Variants in PRSS12 observed in about 807,000 individuals in gnomAD.
The protein encoded by PRSS12 is serine protease 12.
In PRSS12, 85 loss-of-function variants were observed where a neutral mutation model predicts 104.4. The observed-to-expected ratio is 0.81, with a 90% CI of 0.68 to 0.98. PRSS12 has a LOEUF of 0.98. Among genes scored for constraint, PRSS12 ranks in the 50% least tolerant of loss-of-function variants. The pLI, the probability that PRSS12 is intolerant of heterozygous loss-of-function variation, is 0.00. For missense variants in PRSS12, 1,141 were observed against 1,139.2 expected, an observed-to-expected ratio of 1.00 and a Z score of -0.02; for synonymous variants, 454 against 425.2, an observed-to-expected ratio of 1.07 and a Z score of -0.83.
At chr4:118,329,915 T>A (rs1723874058) in intron 4 of PRSS12, among the ~76,000 whole-genome samples, 1 of 152,148 alleles carries the variant, frequency 6.6e-6, no homozygotes, top group African/African-American at 2.4e-5. Flanking sequence ...ACCGGGAAAC[T>A]TTGAGAAAAT....
intron 7 of PRSS12, among the ~76,000 whole-genome samples, chr4:118,309,704 A>G (rs532840038): frequency 6.6e-6 from 1 of 152,322 alleles, no homozygotes; most frequent in East Asian, 1.9e-4. Context: ...GCTGTTAAGG[A>G]TTTAGGGAAT....
At chr4:118,296,874 TA>T (rs1270266075) in intron 9 of PRSS12, among the ~76,000 whole-genome samples, 1 of 152,174 alleles carries the variant, frequency 6.6e-6, no homozygotes, top group Non-Finnish European at 1.5e-5. Context: ...CTGCAAATTG[TA>T]AGATATTAGA....
Position 118,281,256 on chromosome 4 carries a change from G to A in PRSS12, c.*680C>T, listed in dbSNP as rs1742841839. On this transcript the variant is annotated 3_prime_UTR_variant, in exon 13 of 13. Transcript: ENST00000296498. ...CCAGAAATCCTTTCAAATTTTGCTA[G>A]TTTATACGCTGTAGGTAGAAAGTAT... The A allele has an allele frequency of 6.5e-6, 1 of 152,838 alleles. No individual in the cohort carries two copies. The highest frequency in any genetic ancestry group is 1.5e-5 in the Non-Finnish European group (1 of 68,508). 9.5% of individuals were successfully genotyped at this position (152,838 alleles called of 1,614,324 possible). A position where few individuals can be genotyped will look rare whatever the true frequency, so the allele number is the denominator to read the frequency against.
chr4:118,330,261 C>CAT (rs1438705073), intron 4 of PRSS12, among the ~76,000 whole-genome samples: 5 of 152,130 alleles, frequency 3.3e-5, no homozygotes, highest in Admixed American at 2.0e-4. Context: ...TAGAGCTTTT[C>CAT]ATGACTCCTG....
chr4:118,284,628 A>G (rs1209272501), intron 11 of PRSS12, among the ~76,000 whole-genome samples: 3 of 152,044 alleles, frequency 2.0e-5, no homozygotes, highest in Admixed American at 1.3e-4. Flanking sequence ...AAATCCTTCA[A>G]ACCCATTGGA....
Position 118,352,545 on chromosome 4 carries a change from G to T in PRSS12, c.176C>A (p.Pro59Gln). 6.6e-7 allele frequency: 1 copy of T among 1,510,904 alleles called. No individual in the cohort carries two copies. The highest frequency in any genetic ancestry group is 2.7e-5 in the East Asian group (1 of 37,040). The allele number at this position is 1,510,904 out of a possible 1,614,324, so 93.6% of individuals were successfully genotyped here. Residue 59 changes from proline (P) to glutamine (Q), a missense_variant, in exon 1 of 13, where the codon CCG becomes CAG. Physicochemically the swap from Pro to Gln is moderately conservative, Grantham distance 76 (BLOSUM62 -1). Transcript: ENST00000296498. ...GCGCGGGAAGCGCGGGAGAGGCGGC[G>T]GCGGACGCGTCCTCGGGGGCCGCTG... is the stretch of plus-strand genomic sequence containing the variant. ...TQQRPPRTRP[P>Q]PPLPRFPRPP... is the part of the protein sequence containing the mutation.
intron 7 of PRSS12, among the ~76,000 whole-genome samples, chr4:118,311,199 A>G (rs1405951651): frequency 2.6e-5 from 4 of 152,152 alleles, no homozygotes; most frequent in East Asian, 1.9e-4. Flanking sequence ...CGAGAAATCC[A>G]TATTTTTACC....
Position 118,281,757 on chromosome 4 carries a change from A to G in PRSS12, c.*179T>C. 1.6e-6 allele frequency: 1 copy of G among 643,768 alleles called. No homozygotes were observed. The highest frequency in any genetic ancestry group is 2.8e-6 in the Non-Finnish European group (1 of 356,226). The allele number at this position is 643,768 out of a possible 1,614,324, so 39.9% of individuals were successfully genotyped here. A position where few individuals can be genotyped will look rare whatever the true frequency, so the allele number is the denominator to read the frequency against. ...ATTTAAGGATTATCACTTCCACTAC[A>G]CTGAGGCCTCTGAAAATGTTCACAA... is the stretch of plus-strand genomic sequence containing the variant. On this transcript the variant is annotated 3_prime_UTR_variant, in exon 13 of 13. Transcript: ENST00000296498.
intron 2 of PRSS12, among the ~76,000 whole-genome samples, chr4:118,337,034 T>G (rs1724080159): frequency 5.3e-5 from 8 of 152,224 alleles, no homozygotes; most frequent in Admixed American, 5.2e-4. Context: ...AATTTTAATT[T>G]ACTATAATAA....
chr4:118,326,776 T>C lies in PRSS12; in HGVS notation c.971+4940A>G, dbSNP rs564776237. Among the ~76,000 whole-genome samples, 125 of 152,320 alleles carry C rather than the reference T, an allele frequency of 8.2e-4. 1 individual carries two copies. The highest frequency in any genetic ancestry group is 3.4e-3 in the Middle Eastern group (1 of 294). The stretch of plus-strand genomic sequence containing the variant: ...GCCTCCCACTAACAGACTTGGGGAA[T>C]ATTGTGTAATCTCAGTGGGCCTAAC... On this transcript the variant is annotated intron_variant, in intron 4 of 12. Transcript: ENST00000296498.
intron 1 of PRSS12, among the ~76,000 whole-genome samples, chr4:118,341,366 C>G (rs1724203434): frequency 6.6e-6 from 1 of 152,102 alleles, no homozygotes; most frequent in African/African-American, 2.4e-5. Context: ...CTTAGAAAAG[C>G]TGAGGTGGTC....
At chr4:118,303,567 G>C (rs982269336) in intron 8 of PRSS12, 2 of 151,980 alleles carry the variant, frequency 1.3e-5, no homozygotes, top group Non-Finnish European at 2.9e-5. Context: ...AAAGGGAAAG[G>C]CTTCTCACTG....
Position 118,335,581 on chromosome 4 carries a change from G to C in PRSS12, c.712C>G (p.Arg238Gly), listed in dbSNP as rs367867526. 4 of 1,613,938 alleles carry C rather than the reference G, an allele frequency of 2.5e-6. No homozygotes were observed. The highest frequency in any genetic ancestry group is 3.4e-6 in the Non-Finnish European group (4 of 1,179,904). ...ATATTTTCTTCATCTCCTCGGCAACGGACATTGCTCCAATAAATGGGAATA... is the reference window on the plus strand; with the variant it reads ...ATATTTTCTTCATCTCCTCGGCAACCGACATTGCTCCAATAAATGGGAATA... ...GLIPIYWSNV[R>G]CRGDEENILL... is the part of the protein sequence containing the mutation. The change falls in exon 3 of 13, where the codon CGT becomes GGT. Residue 238 changes from arginine to glycine, a missense_variant. Transcript: ENST00000296498.
At chr4:118,300,752 T>C (rs1355073408) in intron 8 of PRSS12, among the ~76,000 whole-genome samples, 1 of 152,130 alleles carries the variant, frequency 6.6e-6, no homozygotes, top group Non-Finnish European at 1.5e-5. Context: ...TCTAGAAATA[T>C]ATTTGTTGGT....
intron 10 of PRSS12, 143 bp downstream of exon 10, chr4:118,295,635 G>A: frequency 1.2e-6 from 1 of 805,102 alleles, no homozygotes; most frequent in Non-Finnish European, 2.1e-6. Context: ...AAAGGACAGT[G>A]AAATTATCAG....
intron 4 of PRSS12, among the ~76,000 whole-genome samples, chr4:118,323,726 T>C (rs1723692043): frequency 6.6e-6 from 1 of 151,462 alleles, no homozygotes; most frequent in Non-Finnish European, 1.5e-5. Context: ...AGAGTCAAAA[T>C]GCAAACCAAT....
Position 118,331,748 on chromosome 4 carries a change from A to T in PRSS12, c.939T>A (p.Asp313Glu). The change falls in exon 4 of 13, where the codon GAT becomes GAA. Residue 313 changes from aspartate to glutamate, a missense_variant. Asp to Glu is a conservative substitution (Grantham distance 45). Transcript: ENST00000296498. ...CCAGCTGCCTGCAGATCACTTCTGC[A>T]TCGGCATCATCCCATTGGTCATCAC... ...TVCDDQWDDA[D>E]AEVICRQLGL... is the part of the protein sequence containing the mutation. 2 of 1,614,204 alleles carry T rather than the reference A, an allele frequency of 1.2e-6. No homozygotes were observed. Among genetic ancestry groups the T allele is most frequent in the East Asian group, 4.5e-5 (2 of 44,880 alleles).
chr4:118,289,419 G>C (rs1018089543), intron 11 of PRSS12, among the ~76,000 whole-genome samples: 7 of 152,220 alleles, frequency 4.6e-5, no homozygotes, highest in Admixed American at 2.0e-4. Flanking sequence ...AATGTCAAAA[G>C]GGGGTGAGGG....
chr4:118,307,034 T>C (rs1209172207), intron 8 of PRSS12, among the ~76,000 whole-genome samples: 1 of 151,758 alleles, frequency 6.6e-6, no homozygotes, highest in Non-Finnish European at 1.5e-5. Flanking sequence ...GGTGAGGAAA[T>C]GTACTGGGAA....
Sources: allele counts gnomAD v4.1 joint callset (sites outside exome capture counted in the v4.1 genomes callset), GRCh38; gene constraint gnomAD v4.1.1; transcripts MANE v1.5; gene names NCBI Gene and HGNC (gene_info 2026-07-23, HGNC 2026-07-21).